Variants in PAPPA observed in about 807,000 individuals in gnomAD.
The protein encoded by PAPPA is pappalysin 1.
In PAPPA, 60 loss-of-function variants were observed where a neutral mutation model predicts 164.0. The observed-to-expected ratio is 0.37, with a 90% CI of 0.30 to 0.45. The LOEUF (loss-of-function observed/expected upper bound fraction) is 0.45. PAPPA is among the 20% of genes least tolerant of loss of function. The pLI, the probability that PAPPA is intolerant of heterozygous loss-of-function variation, is 1.00. For missense variants in PAPPA, 1,782 were observed against 2,087.3 expected, an observed-to-expected ratio of 0.85 and a Z score of 2.85; for synonymous variants, 875 against 814.1, an observed-to-expected ratio of 1.07 and a Z score of -1.27.
intron 7 of PAPPA, among the ~76,000 whole-genome samples, chr9:116,250,263 C>A (rs1372610798): frequency 6.6e-6 from 1 of 152,126 alleles, no homozygotes. Context: ...CAGACACAAC[C>A]TCACTGTGCA....
In PAPPA at chr9:116,332,370, T is replaced by C; in HGVS notation, c.3299T>C (p.Ile1100Thr). 1.9e-6 allele frequency: 3 copies of C among 1,613,972 alleles called. No homozygotes were observed. The highest frequency in any genetic ancestry group is 2.5e-6 in the Non-Finnish European group (3 of 1,179,854). The part of the protein sequence containing the change: ...FSQPMVAAAV[I>T]VHLVTDGTYY... Reference sequence around the variant, plus strand: ...CAACCAATGGTTGCCGCAGCTGTCATTGTCCACCTGGTGACGGATGGGACA... The same window carrying C: ...CAACCAATGGTTGCCGCAGCTGTCACTGTCCACCTGGTGACGGATGGGACA... The change falls in exon 12 of 22, where the codon ATT becomes ACT. Residue 1100 changes from isoleucine (I) to threonine (T), a missense_variant. By Grantham distance (89) the Ile-to-Thr change is moderately conservative. Around this residue, in one of 2 missense-constraint regions of PAPPA, gnomAD observed 1,324 missense variants for 1,656.9 expected, o/e 0.80. Transcript: ENST00000328252.
At chr9:116,269,538 A>G (rs1262185312) in intron 8 of PAPPA, among the ~76,000 whole-genome samples, 1 of 152,212 alleles carries the variant, frequency 6.6e-6, no homozygotes, top group African/African-American at 2.4e-5. Flanking sequence ...GCTGTGATAG[A>G]TGGAGCAAGA....
At position 116,344,683 on chromosome 9, in the gene PAPPA, G is replaced by A. The variant is rs191659965; in HGVS notation, c.3752G>A (p.Arg1251Gln). 157 of 1,614,086 alleles carry A rather than the reference G, an allele frequency of 9.7e-5. 1 individual carries two copies. The Admixed American group carries it at 2.3e-3, about 24-fold the overall frequency. ...SCRTGYVLQI[R>Q]RDDELIKSQT... ...CGGACAGGCTACGTGCTCCAGATAC[G>A]GCGGGATGATGAGCTGATCAAGAGC... Residue 1251 changes from arginine to glutamine, a missense_variant, in exon 14 of 22, where the codon CGG (arginine) becomes CAG (glutamine). Physicochemically the swap from Arg to Gln is conservative, Grantham distance 43 (BLOSUM62 1). Around this residue, in one of 2 missense-constraint regions of PAPPA, gnomAD observed 1,324 missense variants for 1,656.9 expected, o/e 0.80. Transcript: ENST00000328252.
chr9:116,232,942 C>T (rs1844616446), intron 6 of PAPPA, among the ~76,000 whole-genome samples: 1 of 152,138 alleles, frequency 6.6e-6, no homozygotes, highest in Non-Finnish European at 1.5e-5. Flanking sequence ...TCTTTGCTCT[C>T]CTGTGGCTTC....
intron 7 of PAPPA, among the ~76,000 whole-genome samples, chr9:116,237,569 T>G (rs1272930578): frequency 6.6e-6 from 1 of 152,292 alleles, no homozygotes; most frequent in Non-Finnish European, 1.5e-5. Context: ...GAAAGAACCC[T>G]TAGTGATTTA....
intron 20 of PAPPA, among the ~76,000 whole-genome samples, chr9:116,381,768 G>C (rs1202342447): frequency 6.6e-6 from 1 of 152,174 alleles, no homozygotes; most frequent in Non-Finnish European, 1.5e-5. Context: ...TCTGTAGAGT[G>C]AGAAAACCAA....
chr9:116,312,810 G>A (rs968152404), intron 10 of PAPPA, among the ~76,000 whole-genome samples: 3 of 151,950 alleles, frequency 2.0e-5, no homozygotes, highest in South Asian at 2.1e-4. Context: ...CAGGCCAGGC[G>A]TGGTGGCTCA....
chr9:116,363,960 T>G (rs1588021377), intron 18 of PAPPA, among the ~76,000 whole-genome samples: 1 of 152,164 alleles, frequency 6.6e-6, no homozygotes, highest in African/African-American at 2.4e-5. Context: ...CCAAAACACA[T>G]GATTGCTCTC....
At position 116,211,946 on chromosome 9, in the gene PAPPA, C is replaced by A; in HGVS notation, c.1918+14C>A. On this transcript the variant is annotated intron_variant, in intron 4 of 21. Coordinates refer to ENST00000328252, the MANE Select transcript of PAPPA (RefSeq NM_002581.5). ...TGAGCTATGCAGGTAGGGCCCTACACTCTGTAGGGTGAACAGGTCTGGATG... is the reference window on the plus strand; with the variant it reads ...TGAGCTATGCAGGTAGGGCCCTACAATCTGTAGGGTGAACAGGTCTGGATG... The A allele has an allele frequency of 1.2e-6, 2 of 1,606,214 alleles. No homozygotes were observed. Among genetic ancestry groups the A allele is most frequent in the South Asian group, 2.2e-5 (2 of 90,780 alleles).
chr9:116,319,016 C>T (rs2118922903), intron 10 of PAPPA, among the ~76,000 whole-genome samples: 1 of 152,316 alleles, frequency 6.6e-6, no homozygotes, highest in South Asian at 2.1e-4. Context: ...CCTCTCCCCG[C>T]CTCCCACCCC....
At chr9:116,353,540 G>A in intron 16 of PAPPA, 82 bp from the exon 17 acceptor site, 1 of 1,248,324 alleles carries the variant, frequency 8.0e-7, no homozygotes, top group Non-Finnish European at 1.1e-6. Context: ...GGAAATGGGG[G>A]CCCAGCTGGT....
At chr9:116,181,854 A>AAT (rs1843909333) in intron 1 of PAPPA, among the ~76,000 whole-genome samples, 1 of 152,252 alleles carries the variant, frequency 6.6e-6, no homozygotes, top group Admixed American at 6.5e-5. Flanking sequence ...ACTCTTTGGT[A>AAT]ATAAAGAACC....
chr9:116,283,251 G>C (rs1845288749), intron 9 of PAPPA, among the ~76,000 whole-genome samples: 2 of 152,136 alleles, frequency 1.3e-5, no homozygotes, highest in African/African-American at 2.4e-5. Flanking sequence ...AGAAGACAGT[G>C]GTCATTAAAG....
At position 116,197,896 on chromosome 9, in the gene PAPPA, A is replaced by G. The variant is rs139273322; in HGVS notation, c.1479-9560A>G. ...TTCTTGATTTATCCTTTCTAAACTT[A>G]GTATATTTTAGTTAGTCTTCACATC... On this transcript the variant is annotated intron_variant, in intron 2 of 21. Coordinates refer to ENST00000328252, the MANE Select transcript of PAPPA (RefSeq NM_002581.5). Among the ~76,000 whole-genome samples the G allele has an allele frequency of 4.5e-3, 684 of 152,368 alleles. 2 individuals carry two copies. The highest frequency in any genetic ancestry group is 7.2e-3 in the Non-Finnish European group (491 of 68,040).
At chr9:116,171,365 A>G (rs999031230) in intron 1 of PAPPA, among the ~76,000 whole-genome samples, 5 of 152,142 alleles carry the variant, frequency 3.3e-5, no homozygotes, top group Non-Finnish European at 5.9e-5. Flanking sequence ...TCTACCTATC[A>G]TATTCCCACT....
intron 2 of PAPPA, among the ~76,000 whole-genome samples, chr9:116,190,994 C>T (rs537974024): frequency 3.0e-5 from 4 of 134,668 alleles, no homozygotes; most frequent in Admixed American, 2.5e-4. Context: ...TAAATTTTTG[C>T]TTTGTGAATT....
intron 10 of PAPPA, among the ~76,000 whole-genome samples, chr9:116,329,313 C>G (rs1845960600): frequency 6.6e-6 from 1 of 152,140 alleles, no homozygotes; most frequent in African/African-American, 2.4e-5. Context: ...GGTTTTATAT[C>G]TATTTTCAAT....
chr9:116,154,079 A>G lies in PAPPA; in HGVS notation c.-94A>G. ...AGGGGGGCTCGCCCAAGAAGGGTGA[A>G]GAAGCGAAGAAAGTCGAGGCGCCGA... is the stretch of plus-strand genomic sequence containing the variant. On this transcript the variant is annotated 5_prime_UTR_variant, in exon 1 of 22. Transcript: ENST00000328252. The surrounding 1 kb of genome is among the most constrained non-coding windows in gnomAD (Gnocchi z 5.2). 1 of 1,155,794 alleles carries G rather than the reference A, an allele frequency of 8.7e-7. No individual in the cohort carries two copies. The highest frequency in any genetic ancestry group is 1.1e-6 in the Non-Finnish European group (1 of 929,974). The allele number at this position is 1,155,794 out of a possible 1,614,324, so 71.6% of individuals were successfully genotyped here. A position where few individuals can be genotyped will look rare whatever the true frequency, so the allele number is the denominator to read the frequency against.
intron 14 of PAPPA, among the ~76,000 whole-genome samples, chr9:116,345,436 G>GAA (rs55953344): frequency 5.0e-4 from 72 of 143,122 alleles, no homozygotes; most frequent in Middle Eastern, 3.5e-3. Flanking sequence ...ACATTGATGA[G>GAA]AAAAAAAAAA....
Sources: gnomAD v4.1 joint callset for allele counts (sites outside exome capture counted in the v4.1 genomes callset) on GRCh38, gnomAD v4.1.1 for gene constraint, gnomAD v4.1.1 regional missense constraint, Gnocchi (gnomAD v3.1) non-coding constraint, MANE v1.5 for transcripts, NCBI Gene and HGNC (gene_info 2026-07-23, HGNC 2026-07-21) for gene names.